CELF2: variants seen among roughly 807,000 people sequenced by gnomAD.
CELF2 encodes CUGBP Elav-like family member 2.
In CELF2, 8 loss-of-function variants were observed where a neutral mutation model predicts 62.6. The observed-to-expected ratio is 0.13, with a 90% CI of 0.07 to 0.23. The LOEUF (loss-of-function observed/expected upper bound fraction) is 0.23, where lower values mean the gene tolerates loss of function less well. Ranked by LOEUF, CELF2 falls within the 10% of genes least tolerant of loss-of-function variation. The probability of loss-of-function intolerance (pLI) is 1.00; values close to 1 mark genes in which losing one functional copy is unlikely to be tolerated. For synonymous variants in CELF2, 258 were observed against 250.0 expected, an observed-to-expected ratio of 1.03 and a Z score of -0.30; for missense variants, 333 against 671.0, an observed-to-expected ratio of 0.50 and a Z score of 5.56.
rs148853635 is a variant in CELF2, at chr10:10,918,753, A to T, written c.54-1211A>T. 4.9e-4 allele frequency among the ~76,000 whole-genome samples: 74 copies of T among 152,300 alleles called. No homozygotes were observed. The East Asian group carries it at 0.013, about 27-fold the overall frequency. ...TGTGTACCACAGTCTGTGTGTTTGT[A>T]TATATTGTTATTTTCTCTATGTAAG... is the stretch of plus-strand genomic sequence containing the variant. On this transcript the variant is annotated intron_variant, in intron 1 of 13. Coordinates refer to the CELF2 transcript ENST00000636488.
the CELF2 span, among the ~76,000 whole-genome samples, chr10:10,556,765 G>T: frequency 6.6e-6 from 1 of 151,982 alleles, no homozygotes; most frequent in African/African-American, 2.4e-5. Flanking sequence ...GTTTTGATTT[G>T]CATTTCTCTG....
intron 3 of CELF2, among the ~76,000 whole-genome samples, chr10:11,236,810 G>A (rs559269224): frequency 3.1e-4 from 47 of 152,306 alleles, no homozygotes; most frequent in African/African-American, 1.1e-3. Flanking sequence ...ACGTGTGTAC[G>A]TGCATGAGAA....
chr10:11,257,683 T>A, intron 4 of CELF2, 55 bp from the exon 5 acceptor site: 7 of 1,595,396 alleles, frequency 4.4e-6, no homozygotes, highest in Non-Finnish European at 5.1e-6. Flanking sequence ...GAAGCATTGA[T>A]TACAAGAAAA....
chr10:10,923,279 G>C (rs2065092243), intron 2 of CELF2, among the ~76,000 whole-genome samples: 1 of 152,198 alleles, frequency 6.6e-6, no homozygotes, highest in Non-Finnish European at 1.5e-5. Context: ...AGTGATATGT[G>C]GCTGGGAAGG....
chr10:10,492,094 T>G, the CELF2 span, among the ~76,000 whole-genome samples: 78 of 152,336 alleles, frequency 5.1e-4, 1 homozygote, highest in Non-Finnish European at 8.4e-4. Context: ...TTTTCTTTCA[T>G]GTCAGAGACT....
chr10:11,078,077 A>G (rs2072652840), intron 1 of CELF2, among the ~76,000 whole-genome samples: 1 of 152,098 alleles, frequency 6.6e-6, no homozygotes, highest in South Asian at 2.1e-4. Context: ...AATTCCCTCC[A>G]TTCGTGTTTC....
the CELF2 span, among the ~76,000 whole-genome samples, chr10:10,683,634 C>A: frequency 6.6e-6 from 1 of 152,066 alleles, no homozygotes; most frequent in Non-Finnish European, 1.5e-5. Flanking sequence ...TGACATATGG[C>A]GCAGTTTTAG....
chr10:10,643,914 T>C, the CELF2 span, among the ~76,000 whole-genome samples: 1 of 152,216 alleles, frequency 6.6e-6, no homozygotes, highest in African/African-American at 2.4e-5. Flanking sequence ...TCGTAACCCA[T>C]TAAATTAGTC....
chr10:10,677,629 T>C, the CELF2 span, among the ~76,000 whole-genome samples: 1 of 152,204 alleles, frequency 6.6e-6, no homozygotes, highest in Non-Finnish European at 1.5e-5. Context: ...CCTCCATTAG[T>C]GTAGCCAAGC....
the CELF2 span, among the ~76,000 whole-genome samples, chr10:10,604,655 C>T: frequency 1.3e-5 from 2 of 152,182 alleles, no homozygotes; most frequent in East Asian, 1.9e-4. Flanking sequence ...TTCTAGCCAG[C>T]ATCTAATCAG....
At chr10:10,499,468 T>C in the CELF2 span, among the ~76,000 whole-genome samples, 1 of 152,224 alleles carries the variant, frequency 6.6e-6, no homozygotes, top group East Asian at 1.9e-4. Context: ...TATGTGATTA[T>C]ACACTGCTAT....
At chr10:10,531,418 A>C in the CELF2 span, among the ~76,000 whole-genome samples, 50 of 152,352 alleles carry the variant, frequency 3.3e-4, no homozygotes, top group Admixed American at 3.9e-4. Context: ...ATGATAATAA[A>C]ATAACCAATG....
chr10:10,894,587 C>G (rs2133972663), intron 1 of CELF2, among the ~76,000 whole-genome samples: 1 of 152,166 alleles, frequency 6.6e-6, no homozygotes, highest in Non-Finnish European at 1.5e-5. Context: ...GAATTTTAGG[C>G]AGTTGATCAT....
intron 2 of CELF2, among the ~76,000 whole-genome samples, chr10:10,933,351 T>C (rs11256926): frequency 0.35 from 52,962 of 152,060 alleles, 10,142 homozygotes; most frequent in East Asian, 0.73. Context: ...TGGTACAGTA[T>C]GATATTTCTA....
chr10:10,998,455 A>G (rs943608874), intron 2 of CELF2, among the ~76,000 whole-genome samples: 2 of 152,250 alleles, frequency 1.3e-5, no homozygotes, highest in African/African-American at 2.4e-5. Context: ...CTTACTTTCT[A>G]CCACTGCAAT....
rs796477996 is a variant in CELF2 at position 10,865,825 on chromosome 10, A to AT, written c.54-54127dup. 2.3e-3 allele frequency among the ~76,000 whole-genome samples: 339 copies of AT among 147,392 alleles called. 2 individuals are homozygous for AT. Among genetic ancestry groups the AT allele is most frequent in the South Asian group, 0.013 (62 of 4,638 alleles). ...TGAAAACTTAACTGGAAAAAAAAAG[A>AT]TTTTTTTTTTTTGAAGTGTGAAGAT... On this transcript the variant is annotated intron_variant, in intron 1 of 13. Coordinates refer to the CELF2 transcript ENST00000636488.
the CELF2 span, among the ~76,000 whole-genome samples, chr10:10,633,394 T>C: frequency 6.6e-6 from 1 of 152,174 alleles, no homozygotes; most frequent in Non-Finnish European, 1.5e-5. Context: ...AATATCTCAG[T>C]ATGGTGTTTG....
chr10:10,484,983 G>C, the CELF2 span, among the ~76,000 whole-genome samples: 1 of 152,048 alleles, frequency 6.6e-6, no homozygotes, highest in East Asian at 1.9e-4. Flanking sequence ...TGAGCAGCTT[G>C]TACTTTATAT....
At chr10:10,620,434 G>C in the CELF2 span, among the ~76,000 whole-genome samples, 2 of 132,120 alleles carry the variant, frequency 1.5e-5, no homozygotes, top group African/African-American at 2.9e-5. Context: ...TTGGGCGACA[G>C]AGCAAGGCTC....
Sources: allele counts gnomAD v4.1 joint callset (sites outside exome capture counted in the v4.1 genomes callset), GRCh38; gene constraint gnomAD v4.1.1; transcripts MANE v1.5; gene names NCBI Gene and HGNC (gene_info 2026-07-23, HGNC 2026-07-21).